The following NEDD9 variants were observed in gnomAD, a reference collection of about 807,000 sequenced individuals.
NEDD9 encodes neural precursor cell expressed, developmentally down-regulated 9, also known as enhancer of filamentation 1.
In NEDD9, 26 loss-of-function variants were observed where a neutral mutation model predicts 76.6. The ratio of observed to expected loss-of-function variants is 0.34; its 90% CI spans 0.25 to 0.47. The LOEUF is 0.47. NEDD9 is among the 20% of genes least tolerant of loss of function. NEDD9 has a pLI of 1.00. For missense variants in NEDD9, 937 were observed against 1,058.5 expected (o/e 0.89, Z 1.59); for synonymous variants, 392 against 414.2 (o/e 0.95, Z 0.65).
intron 2 of NEDD9, among the ~76,000 whole-genome samples, chr6:11,204,668 C>T (rs1452122424): frequency 1.6e-5 from 2 of 128,476 alleles, no homozygotes; most frequent in Middle Eastern, 5.2e-3. Flanking sequence ...TGTGGTGAGC[C>T]GAGATTGTGC....
intron 1 of NEDD9, among the ~76,000 whole-genome samples, chr6:11,355,473 C>T (rs577445596): frequency 1.5e-4 from 23 of 152,218 alleles, no homozygotes; most frequent in African/African-American, 4.1e-4. Flanking sequence ...GTGAAGTCTC[C>T]GACCTAGGGT....
At chr6:11,346,312 C>T (rs929036664) in intron 1 of NEDD9, among the ~76,000 whole-genome samples, 1 of 152,138 alleles carries the variant, frequency 6.6e-6, no homozygotes, top group African/African-American at 2.4e-5. Flanking sequence ...TACATTCTCC[C>T]AGTCCTACTA....
At chr6:11,328,395 A>G (rs1761971025) in intron 2 of NEDD9, 1 of 152,256 alleles carries the variant, frequency 6.6e-6, no homozygotes, top group East Asian at 1.9e-4. Flanking sequence ...AATCCTGGAC[A>G]ACTTCCTATG....
Position 11,190,937 on chromosome 6 carries a change from C to A in NEDD9, c.932G>T (p.Gly311Val), listed in dbSNP as rs1471409855. 6.2e-7 allele frequency: 1 copy of A among 1,614,084 alleles called. No individual in the cohort carries two copies. Among genetic ancestry groups the A allele is most frequent in the Non-Finnish European group, 8.5e-7 (1 of 1,180,020 alleles). Residue 311 changes from glycine to valine, a missense_variant, in exon 5 of 7, where the codon GGC becomes GTC. Coordinates refer to ENST00000379446, the MANE Select transcript of NEDD9 (RefSeq NM_006403.4). This position sits in a 1 kb window ranked among gnomAD's most constrained non-coding sequence, Gnocchi z 5.8. ...HPPPQLGQSV[G>V]SQNDAYDVPR... Reference sequence around the variant, plus strand: ...GACATCATATGCGTCGTTCTGAGAGCCCACTGACTGTCCGAGTTGCGGGGG... The same window carrying A: ...GACATCATATGCGTCGTTCTGAGAGACCACTGACTGTCCGAGTTGCGGGGG...
intron 1 of NEDD9, among the ~76,000 whole-genome samples, chr6:11,219,310 G>C (rs575657692): frequency 5.9e-5 from 9 of 152,186 alleles, no homozygotes; most frequent in Non-Finnish European, 1.5e-5. Context: ...TAGTTTCCAT[G>C]ACCACTCATG....
chr6:11,314,271 C>T (rs534821701), intron 2 of NEDD9, among the ~76,000 whole-genome samples: 36 of 152,242 alleles, frequency 2.4e-4, no homozygotes, highest in African/African-American at 8.4e-4. Context: ...CCCAGCTCAG[C>T]ACCTGGTGCA....
chr6:11,368,474 G>A (rs1447913166), intron 1 of NEDD9, among the ~76,000 whole-genome samples: 1 of 152,188 alleles, frequency 6.6e-6, no homozygotes, highest in African/African-American at 2.4e-5. Flanking sequence ...TGATCGCCAT[G>A]GTTTTCCAAC....
intron 1 of NEDD9, among the ~76,000 whole-genome samples, chr6:11,221,911 C>T (rs1302122557): frequency 2.6e-5 from 4 of 152,166 alleles, no homozygotes; most frequent in African/African-American, 9.7e-5. Flanking sequence ...GCCAGCATTA[C>T]AGTGTTGGCA....
Position 11,213,780 on chromosome 6 carries a change from T to C in NEDD9, c.13-53A>G. 4 of 1,545,638 alleles carry C rather than the reference T, an allele frequency of 2.6e-6. No individual in the cohort carries two copies. The South Asian group carries it at 3.5e-5, about 13-fold the overall frequency. On this transcript the variant is annotated intron_variant, in intron 1 of 6. Coordinates refer to ENST00000379446, the MANE Select transcript of NEDD9 (RefSeq NM_006403.4). The surrounding 1 kb of genome is among the most constrained non-coding windows in gnomAD (Gnocchi z 5.4). ...GTGTTAGAATATTGGGTCGGTCCCT[T>C]TATCACCTAAGGCCCGTGCTCTTAT...
In NEDD9 at chr6:11,306,169, A is replaced by G. The variant is rs188013419; in HGVS notation, c.-152-14T>C. 58 of 793,528 alleles carry G rather than the reference A, an allele frequency of 7.3e-5. No individual in the cohort carries two copies. In the East Asian group the frequency reaches 1.4e-3, roughly 19 times the overall value. 49.2% of individuals were successfully genotyped at this position (793,528 alleles called of 1,614,324 possible). A position where few individuals can be genotyped will look rare whatever the true frequency, so the allele number is the denominator to read the frequency against. On this transcript the variant is annotated splice_polypyrimidine_tract_variant and intron_variant, in intron 2 of 3. Transcript: ENST00000397378. ...AGCTTACTGAATCTGAAAACAGGAGATAGAGATGGAAAGGTTGGTAAGATC... is the reference window on the plus strand; with the variant it reads ...AGCTTACTGAATCTGAAAACAGGAGGTAGAGATGGAAAGGTTGGTAAGATC...
At position 11,296,567 on chromosome 6, in the gene NEDD9, C is replaced by T. The variant is rs568287709; in HGVS notation, c.12+9425G>A. Among the ~76,000 whole-genome samples the T allele has an allele frequency of 5.3e-5, 8 of 152,312 alleles. No individual in the cohort carries two copies. The South Asian group carries it at 1.2e-3, about 24-fold the overall frequency. ...CACGGTGTGGATAAGTACCTTGGAA[C>T]TGCAGTGAACTTGCATTTAGTGGGA... On this transcript the variant is annotated intron_variant, in intron 3 of 3. Coordinates refer to the NEDD9 transcript ENST00000397378.
intron 3 of NEDD9, among the ~76,000 whole-genome samples, chr6:11,255,464 G>A (rs1233436830): frequency 2.6e-5 from 4 of 152,230 alleles, no homozygotes; most frequent in Non-Finnish European, 5.9e-5. Flanking sequence ...GGCCTTGTGA[G>A]AGAGGTAAGG....
intron 1 of NEDD9, among the ~76,000 whole-genome samples, chr6:11,358,837 C>A (rs961517517): frequency 6.6e-6 from 1 of 152,034 alleles, no homozygotes; most frequent in Non-Finnish European, 1.5e-5. Context: ...TCATAAAGAC[C>A]GAGGAAATTC....
At chr6:11,366,837 T>G (rs1314880469) in intron 1 of NEDD9, among the ~76,000 whole-genome samples, 1 of 152,196 alleles carries the variant, frequency 6.6e-6, no homozygotes, top group Non-Finnish European at 1.5e-5. Context: ...CTCCTCAGTT[T>G]CACTATCTGT....
intron 2 of NEDD9, among the ~76,000 whole-genome samples, chr6:11,329,196 C>T (rs1341052293): frequency 6.6e-6 from 1 of 152,218 alleles, no homozygotes; most frequent in African/African-American, 2.4e-5. Context: ...CAAGGGCAAA[C>T]ATCTTTATGA....
At chr6:11,193,774 C>A in intron 2 of NEDD9, 82 bp from the exon 3 acceptor site, 2 of 816,982 alleles carry the variant, frequency 2.4e-6, no homozygotes, top group South Asian at 1.7e-5. Context: ...GCACTCATCC[C>A]TCAACTCTCC....
At chr6:11,216,626 G>C (rs1256942815) in intron 1 of NEDD9, among the ~76,000 whole-genome samples, 2 of 152,174 alleles carry the variant, frequency 1.3e-5, no homozygotes, top group Non-Finnish European at 2.9e-5. Flanking sequence ...TGTGTCTATG[G>C]AATAAATTGG....
chr6:11,217,486 C>G (rs1214620726), intron 1 of NEDD9, among the ~76,000 whole-genome samples: 1 of 152,186 alleles, frequency 6.6e-6, no homozygotes, highest in Non-Finnish European at 1.5e-5. Flanking sequence ...CTATGTAACT[C>G]TATATTCACT....
At chr6:11,326,803 C>A (rs1761937979) in intron 2 of NEDD9, among the ~76,000 whole-genome samples, 1 of 152,222 alleles carries the variant, frequency 6.6e-6, no homozygotes, top group South Asian at 2.1e-4. Flanking sequence ...CACTCAGGAA[C>A]AAAAGGTCCC....
Sources: allele counts gnomAD v4.1 joint callset (sites outside exome capture counted in the v4.1 genomes callset), GRCh38; gene constraint gnomAD v4.1.1; non-coding constraint Gnocchi (gnomAD v3.1); transcripts MANE v1.5; gene names NCBI Gene and HGNC (gene_info 2026-07-23, HGNC 2026-07-21).